The following PTPRD variants were observed in gnomAD, a reference collection of about 807,000 sequenced individuals.
PTPRD encodes protein tyrosine phosphatase receptor type D.
In PTPRD, 34 loss-of-function variants were observed where a neutral mutation model predicts 214.5. The ratio of observed to expected loss-of-function variants is 0.16; its 90% CI spans 0.12 to 0.21. PTPRD has a LOEUF of 0.21. PTPRD is among the 10% of genes least tolerant of loss of function. PTPRD has a pLI of 1.00. For missense variants in PTPRD, 2,545 were observed against 2,398.7 expected (o/e 1.06, Z -1.27); for synonymous variants, 1,128 against 845.7 (o/e 1.33, Z -5.79).
chr9:8,678,054 G>C (rs1032228386), intron 12 of PTPRD, among the ~76,000 whole-genome samples: 1 of 152,080 alleles, frequency 6.6e-6, no homozygotes, highest in South Asian at 2.1e-4. Flanking sequence ...TTGGAATCCC[G>C]GCAGTGAAGT....
intron 2 of PTPRD, among the ~76,000 whole-genome samples, chr9:10,567,467 G>C (rs867241605): frequency 8.6e-5 from 13 of 151,974 alleles, no homozygotes; most frequent in Admixed American, 8.5e-4. Context: ...TCTGTAACCA[G>C]TTTCCAAAGA....
intron 9 of PTPRD, among the ~76,000 whole-genome samples, chr9:9,322,933 G>T (rs1595767628): frequency 6.6e-6 from 1 of 152,070 alleles, no homozygotes; most frequent in East Asian, 1.9e-4. Context: ...TGAGTTAAAT[G>T]ATTTTTAAAA....
At chr9:9,601,089 C>T (rs766777274) in intron 7 of PTPRD, among the ~76,000 whole-genome samples, 3 of 138,642 alleles carry the variant, frequency 2.2e-5, no homozygotes, top group African/African-American at 8.2e-5. Flanking sequence ...AGGATAAATA[C>T]ACTGGGAAAA....
intron 14 of PTPRD, among the ~76,000 whole-genome samples, chr9:8,622,527 A>C (rs1384323807): frequency 6.6e-6 from 1 of 151,994 alleles, no homozygotes; most frequent in Non-Finnish European, 1.5e-5. Context: ...TATATGTATA[A>C]CTGCCTTGTC....
intron 11 of PTPRD, among the ~76,000 whole-genome samples, chr9:8,882,962 G>C (rs1322226303): frequency 6.6e-6 from 1 of 151,122 alleles, no homozygotes; most frequent in Non-Finnish European, 1.5e-5. Context: ...GAAGATACAT[G>C]TGAAAATTGG....
chr9:9,730,913 T>A (rs146943076), intron 7 of PTPRD, among the ~76,000 whole-genome samples: 1,524 of 152,264 alleles, frequency 0.01, 28 homozygotes, highest in African/African-American at 0.035. Context: ...TCTTTGAGTG[T>A]ACATCATTGT....
At chr9:8,520,556 C>T (rs927596901) in intron 20 of PTPRD, among the ~76,000 whole-genome samples, 2 of 151,930 alleles carry the variant, frequency 1.3e-5, no homozygotes, top group Non-Finnish European at 2.9e-5. Context: ...TTAAGTTGCC[C>T]TATGTCTGAC....
intron 2 of PTPRD, among the ~76,000 whole-genome samples, chr9:10,343,735 G>A (rs1565423112): frequency 6.6e-6 from 1 of 150,858 alleles, no homozygotes; most frequent in Non-Finnish European, 1.5e-5. Flanking sequence ...CAGTGATGAT[G>A]AGCATTATTT....
intron 24 of PTPRD, 100 bp downstream of exon 24, chr9:8,500,654 A>T (rs765476161): frequency 7.2e-6 from 9 of 1,253,716 alleles, no homozygotes; most frequent in South Asian, 1.6e-5. Flanking sequence ...TGCTGGGTAA[A>T]AAGATGAGCA....
At chr9:9,970,706 C>G (rs376056788) in intron 4 of PTPRD, among the ~76,000 whole-genome samples, 1 of 152,072 alleles carries the variant, frequency 6.6e-6, no homozygotes, top group Non-Finnish European at 1.5e-5. Flanking sequence ...CGCTGGTTGA[C>G]CGAATAGAGT....
At chr9:10,605,273 T>C (rs967733608) in intron 2 of PTPRD, among the ~76,000 whole-genome samples, 1 of 151,912 alleles carries the variant, frequency 6.6e-6, no homozygotes, top group African/African-American at 2.4e-5. Flanking sequence ...GCTTTGGTTA[T>C]AGCTGAAAAT....
intron 37 of PTPRD, among the ~76,000 whole-genome samples, chr9:8,379,922 C>G (rs893098841): frequency 6.6e-6 from 1 of 152,046 alleles, no homozygotes; most frequent in African/African-American, 2.4e-5. Context: ...AAAGTCTGGC[C>G]GCCTCATCTG....
intron 11 of PTPRD, among the ~76,000 whole-genome samples, chr9:8,839,680 C>T (rs971649982): frequency 6.6e-6 from 1 of 152,140 alleles, no homozygotes; most frequent in Non-Finnish European, 1.5e-5. Flanking sequence ...CAGCATACTT[C>T]TACATAACAA....
intron 6 of PTPRD, among the ~76,000 whole-genome samples, chr9:9,759,458 A>C (rs2098630295): frequency 6.6e-6 from 1 of 151,884 alleles, no homozygotes. Context: ...TTTGGTTAGC[A>C]CCAGTACCTT....
chr9:8,776,846 TA>T (rs2095498455), intron 11 of PTPRD, among the ~76,000 whole-genome samples: 1 of 147,690 alleles, frequency 6.8e-6, no homozygotes, highest in African/African-American at 2.5e-5. Context: ...TACATAGGTA[TA>T]ATATAAAAAT....
chr9:8,651,088 T>G (rs1050021220), intron 12 of PTPRD, among the ~76,000 whole-genome samples: 2 of 152,224 alleles, frequency 1.3e-5, no homozygotes, highest in African/African-American at 4.8e-5. Context: ...TTTTACATAT[T>G]AAGTCCATCT....
chr9:9,157,635 A>T (rs1433536337), intron 10 of PTPRD, among the ~76,000 whole-genome samples: 3 of 152,242 alleles, frequency 2.0e-5, no homozygotes, highest in Non-Finnish European at 4.4e-5. Context: ...AACTTCTCCC[A>T]TCAAAGAGAA....
chr9:10,609,152 C>G (rs1471178253), intron 2 of PTPRD, among the ~76,000 whole-genome samples: 2 of 151,956 alleles, frequency 1.3e-5, no homozygotes, highest in Non-Finnish European at 2.9e-5. Context: ...AGTGTTTCCT[C>G]CAAACAACAG....
chr9:8,817,272 C>T (rs181086900), intron 11 of PTPRD, among the ~76,000 whole-genome samples: 4 of 152,068 alleles, frequency 2.6e-5, no homozygotes, highest in African/African-American at 7.2e-5. Flanking sequence ...AGCTCCAGAG[C>T]CAATGGATTT....
Sources: allele counts gnomAD v4.1 joint callset (sites outside exome capture counted in the v4.1 genomes callset), GRCh38; gene constraint gnomAD v4.1.1; transcripts MANE v1.5; gene names NCBI Gene and HGNC (gene_info 2026-07-23, HGNC 2026-07-21).